The following SCP2 variants were observed in gnomAD, a reference collection of about 807,000 sequenced individuals.
SCP2 encodes the protein SCP-2/3-oxoacyl-CoA thiolase.
In SCP2, 48 loss-of-function variants were observed where a neutral mutation model predicts 71.4. The ratio of observed to expected loss-of-function variants is 0.67; its 90% CI spans 0.53 to 0.86. The LOEUF is 0.86. SCP2 is among the 40% of genes least tolerant of loss of function. The probability of loss-of-function intolerance (pLI) is 0.00; values close to 1 mark genes in which losing one functional copy is unlikely to be tolerated. For missense variants in SCP2, 560 were observed against 655.6 expected (o/e 0.85, Z 1.59); for synonymous variants, 220 against 218.1 (o/e 1.01, Z -0.08).
At chr1:52,956,246 G>T (rs1329146831) in intron 5 of SCP2, among the ~76,000 whole-genome samples, 1 of 152,150 alleles carries the variant, frequency 6.6e-6, no homozygotes, top group East Asian at 1.9e-4. Context: ...GGAGGTTGTG[G>T]TGAGCCAAGA....
intron 2 of SCP2, among the ~76,000 whole-genome samples, chr1:52,945,193 T>C (rs1467861237): frequency 1.3e-5 from 2 of 152,090 alleles, no homozygotes; most frequent in Non-Finnish European, 2.9e-5. Context: ...TATTTATTTA[T>C]TTAGATATTT....
At chr1:53,010,154 C>A (rs1356251603) in intron 11 of SCP2, among the ~76,000 whole-genome samples, 4 of 152,052 alleles carry the variant, frequency 2.6e-5, no homozygotes, top group Non-Finnish European at 4.4e-5. Context: ...ATGTGGAGAA[C>A]TAGGAACACT....
At chr1:53,041,856 G>T (rs945643464) in intron 14 of SCP2, among the ~76,000 whole-genome samples, 2 of 152,190 alleles carry the variant, frequency 1.3e-5, no homozygotes, top group Admixed American at 1.3e-4. Context: ...CTAGTAAGAA[G>T]GGGTGGATGG....
chr1:52,994,619 G>A (rs1348216602), intron 11 of SCP2: 1 of 428,708 alleles, frequency 2.3e-6, no homozygotes, highest in Non-Finnish European at 4.5e-6. Context: ...AGCCTCTGGG[G>A]TGCATTCCAT....
intron 3 of SCP2, among the ~76,000 whole-genome samples, chr1:52,950,417 G>A (rs537798130): frequency 1.2e-4 from 19 of 152,304 alleles, no homozygotes; most frequent in African/African-American, 4.3e-4. Flanking sequence ...ACCACACCTG[G>A]CCAAGGTTTA....
At chr1:53,023,090 C>T (rs576867872) in intron 12 of SCP2, among the ~76,000 whole-genome samples, 1 of 152,238 alleles carries the variant, frequency 6.6e-6, no homozygotes, top group East Asian at 1.9e-4. Flanking sequence ...TTGATATATT[C>T]AGTTTTCTTA....
chr1:53,007,795 G>T (rs12563007), intron 11 of SCP2, among the ~76,000 whole-genome samples: 20,643 of 151,904 alleles, frequency 0.14, 2,022 homozygotes, highest in East Asian at 0.32. Context: ...AACTGAAGGG[G>T]ATAGAGACAC....
intron 10 of SCP2, among the ~76,000 whole-genome samples, chr1:52,982,389 T>C (rs922008198): frequency 5.3e-5 from 8 of 152,072 alleles, no homozygotes; most frequent in Admixed American, 3.9e-4. Flanking sequence ...GCTAACACGG[T>C]GAAACCCCCT....
chr1:53,008,738 C>T (rs547049734), intron 11 of SCP2, among the ~76,000 whole-genome samples: 19 of 152,210 alleles, frequency 1.2e-4, no homozygotes, highest in Non-Finnish European at 2.8e-4. Flanking sequence ...AATGCCCTCT[C>T]TCACCACTCC....
In SCP2 at chr1:52,928,470, C is replaced by T. The variant is rs148043679; in HGVS notation, c.69+1005C>T. ...TTTATTATTTTACCAGTGGGCTGAG[C>T]GTACCTAATTCAGTCCAACATGTAA... is the stretch of plus-strand genomic sequence containing the variant. On this transcript the variant is annotated intron_variant, in intron 1 of 15. Transcript: ENST00000371514. Among the ~76,000 whole-genome samples, 100 of 152,350 alleles carry T rather than the reference C, an allele frequency of 6.6e-4. No individual in the cohort carries two copies. The East Asian group carries it at 0.018, about 27-fold the overall frequency.
At chr1:52,964,608 C>T (rs1459756415) in intron 6 of SCP2, among the ~76,000 whole-genome samples, 1 of 152,050 alleles carries the variant, frequency 6.6e-6, no homozygotes, top group Non-Finnish European at 1.5e-5. Context: ...AAGAATGTTG[C>T]CAAAATAGTA....
At chr1:52,990,920 G>A (rs372338869) in intron 11 of SCP2, among the ~76,000 whole-genome samples, 23 of 152,128 alleles carry the variant, frequency 1.5e-4, no homozygotes, top group Non-Finnish European at 2.4e-4. Context: ...TTACAAAGTC[G>A]TTGGCAATCT....
intron 10 of SCP2, among the ~76,000 whole-genome samples, chr1:52,981,294 C>T (rs1442348872): frequency 6.6e-6 from 1 of 152,146 alleles, no homozygotes; most frequent in Non-Finnish European, 1.5e-5. Context: ...AGTGTCGAAA[C>T]CTGTGCTGAT....
At chr1:52,982,806 T>C (rs1391348505) in intron 10 of SCP2, among the ~76,000 whole-genome samples, 1 of 152,226 alleles carries the variant, frequency 6.6e-6, no homozygotes, top group Non-Finnish European at 1.5e-5. Context: ...TATAATATTA[T>C]AAGTTTTGCT....
chr1:52,977,947 C>T (rs998174999), intron 8 of SCP2, among the ~76,000 whole-genome samples: 5 of 147,444 alleles, frequency 3.4e-5, no homozygotes, highest in African/African-American at 7.6e-5. Flanking sequence ...GCCTAGGCAA[C>T]AAGAGCGAAA....
intron 11 of SCP2, chr1:52,995,670 A>C (rs1659882973): frequency 1.3e-5 from 9 of 709,322 alleles, no homozygotes; most frequent in Non-Finnish European, 2.1e-5. Flanking sequence ...ATGGATGTCC[A>C]TGAGCAGTTG....
chr1:52,928,203 C>T (rs1315551385), intron 1 of SCP2, among the ~76,000 whole-genome samples: 2 of 152,238 alleles, frequency 1.3e-5, no homozygotes, highest in Non-Finnish European at 2.9e-5. Context: ...TACCTCTGTC[C>T]TGCACTTACT....
At chr1:52,965,637 AT>A (rs562425893) in intron 6 of SCP2, among the ~76,000 whole-genome samples, 217 of 150,786 alleles carry the variant, frequency 1.4e-3, no homozygotes, top group Middle Eastern at 6.8e-3. Context: ...AAGGCTACTG[AT>A]TTTTTTTTCC....
intron 13 of SCP2, among the ~76,000 whole-genome samples, chr1:53,038,175 A>G (rs1480634381): frequency 1.3e-5 from 2 of 149,038 alleles, no homozygotes; most frequent in Non-Finnish European, 3.0e-5. Context: ...CTATATGTGT[A>G]TATATATATA....
Sources: allele counts gnomAD v4.1 joint callset (sites outside exome capture counted in the v4.1 genomes callset), GRCh38; gene constraint gnomAD v4.1.1; transcripts MANE v1.5; gene names NCBI Gene and HGNC (gene_info 2026-07-23, HGNC 2026-07-21).